PM20D2: variants seen among roughly 807,000 people sequenced by gnomAD.
PM20D2 encodes the protein peptidase M20 domain containing 2.
In PM20D2, 33 loss-of-function variants were observed where a neutral mutation model predicts 42.9. The ratio of observed to expected loss-of-function variants is 0.77; its 90% CI spans 0.58 to 1.03. PM20D2 has a LOEUF of 1.03. PM20D2 is among the 50% of genes least tolerant of loss of function. The pLI is 0.00. For missense variants in PM20D2, 548 were observed against 557.0 expected (o/e 0.98, Z 0.16); for synonymous variants, 250 against 228.2 (o/e 1.10, Z -0.86).
the PM20D2 span, among the ~76,000 whole-genome samples, chr6:89,133,030 T>G: frequency 1.3e-5 from 2 of 150,714 alleles, no homozygotes; most frequent in African/African-American, 2.5e-5. Flanking sequence ...TGAGACCAGC[T>G]TAGGCAACAT....
At chr6:89,099,424 A>ATATATG in the PM20D2 span, among the ~76,000 whole-genome samples, 1 of 139,168 alleles carries the variant, frequency 7.2e-6, no homozygotes, top group Non-Finnish European at 1.5e-5. Flanking sequence ...ACATATATAT[A>ATATATG]TGTGTGTATA....
the PM20D2 span, among the ~76,000 whole-genome samples, chr6:89,109,553 G>A: frequency 1.5e-4 from 23 of 152,182 alleles, no homozygotes; most frequent in Admixed American, 6.5e-5. Flanking sequence ...GTGGCTAAGA[G>A]GAAAGGGATC....
At chr6:89,133,534 C>G in the PM20D2 span, among the ~76,000 whole-genome samples, 1 of 151,132 alleles carries the variant, frequency 6.6e-6, no homozygotes, top group South Asian at 2.1e-4. Flanking sequence ...GCTTGCATCA[C>G]CCTCCTGCCT....
chr6:89,149,363 C>T lies in PM20D2; in HGVS notation c.564C>T (p.Ala188=), dbSNP rs762335675. The T allele has an allele frequency of 2.9e-5, 47 of 1,613,570 alleles. No homozygotes were observed. The Admixed American group carries it at 7.8e-4, about 27-fold the overall frequency. The stretch of plus-strand genomic sequence containing the variant: ...CAAATCTTGATGTTGTTTTTATGGC[C>T]CACCCATCACAAGAGAATGCTGCTT... ...AFTNLDVVFM[A]HPSQENAAYL... The change falls in exon 2 of 7, where the codon GCC becomes GCT. Residue 188 remains alanine, a synonymous_variant. Transcript: ENST00000275072.
the PM20D2 span, among the ~76,000 whole-genome samples, chr6:89,117,602 G>A: frequency 0.063 from 9,553 of 152,228 alleles, 874 homozygotes; most frequent in African/African-American, 0.2. Context: ...GATGTGCGCG[G>A]CGCCGGGGCT....
the PM20D2 span, among the ~76,000 whole-genome samples, chr6:89,132,097 C>G: frequency 6.6e-6 from 1 of 152,052 alleles, no homozygotes; most frequent in Non-Finnish European, 1.5e-5. Context: ...TGACAAGAAC[C>G]AACTCAATCC....
Position 89,163,546 on chromosome 6 carries a change from C to G in PM20D2, c.*1283C>G, listed in dbSNP as rs1213143990. The G allele has an allele frequency of 1.3e-5, 2 of 152,078 alleles. No homozygotes were observed. The highest frequency in any genetic ancestry group is 2.4e-5 in the African/African-American group (1 of 41,334). 9.4% of individuals were successfully genotyped at this position (152,078 alleles called of 1,614,324 possible). ...CCAGGCTGGAGTGCAGTGGTGTAAT[C>G]ACAGCTCACTGCAGTCTCGAACTCC... is the stretch of plus-strand genomic sequence containing the variant. On this transcript the variant is annotated 3_prime_UTR_variant, in exon 7 of 7. Coordinates refer to ENST00000275072, the MANE Select transcript of PM20D2 (RefSeq NM_001010853.3).
At chr6:89,103,566 T>G in the PM20D2 span, among the ~76,000 whole-genome samples, 1 of 152,142 alleles carries the variant, frequency 6.6e-6, no homozygotes, top group Non-Finnish European at 1.5e-5. Context: ...TGACCTCAGG[T>G]GATCCGCCCC....
chr6:89,112,162 C>G, the PM20D2 span, among the ~76,000 whole-genome samples: 4 of 152,070 alleles, frequency 2.6e-5, no homozygotes, highest in Non-Finnish European at 5.9e-5. Context: ...GTGAACCGCC[C>G]GCCTCGGCCT....
At chr6:89,156,801 G>C (rs1035602503) in intron 4 of PM20D2, among the ~76,000 whole-genome samples, 2 of 152,186 alleles carry the variant, frequency 1.3e-5, no homozygotes, top group African/African-American at 4.8e-5. Context: ...ATAGAAGCTC[G>C]TGTTGTGTTG....
chr6:89,098,777 T>A, the PM20D2 span: 1 of 1,614,008 alleles, frequency 6.2e-7, no homozygotes, highest in Non-Finnish European at 8.5e-7. Flanking sequence ...TGAACTTGAC[T>A]GTGATTTTCC....
chr6:89,161,982 C>A, intron 6 of PM20D2, 92 bp downstream of exon 6: 1 of 1,474,346 alleles, frequency 6.8e-7, no homozygotes, highest in Non-Finnish European at 9.4e-7. Flanking sequence ...CACTACATAA[C>A]ATCACCTCAG....
chr6:89,147,914 T>G (rs1770656285), intron 1 of PM20D2, among the ~76,000 whole-genome samples: 1 of 150,482 alleles, frequency 6.6e-6, no homozygotes, highest in East Asian at 2.0e-4. Context: ...GAGCGGCGGC[T>G]TCATGTCAGA....
At chr6:89,149,974 A>G (rs1770772357) in intron 2 of PM20D2, among the ~76,000 whole-genome samples, 2 of 152,182 alleles carry the variant, frequency 1.3e-5, no homozygotes, top group Non-Finnish European at 2.9e-5. Context: ...ACTTTTTAGT[A>G]CCTAGGAGCA....
chr6:89,148,788 C>T (rs1365534830), intron 1 of PM20D2, among the ~76,000 whole-genome samples: 1 of 152,174 alleles, frequency 6.6e-6, no homozygotes, highest in Non-Finnish European at 1.5e-5. Context: ...CTCAAAAACA[C>T]CCCCTGTAAA....
upstream of PM20D2, among the ~76,000 whole-genome samples, chr6:89,144,187 A>C (rs1770437748): frequency 7.5e-6 from 1 of 133,622 alleles, no homozygotes; most frequent in Non-Finnish European, 1.6e-5. Flanking sequence ...ACATATATAC[A>C]CAAGGAACAG....
chr6:89,149,925 T>G lies in PM20D2; in HGVS notation c.614+512T>G, dbSNP rs147618761. Reference sequence around the variant, plus strand: ...TGTGCTTTTCCGATTTGTCTGGTGCTGAAACCTTTTATTTGTCTTTCTTTA... The same window carrying G: ...TGTGCTTTTCCGATTTGTCTGGTGCGGAAACCTTTTATTTGTCTTTCTTTA... On this transcript the variant is annotated intron_variant, in intron 2 of 6. Transcript: ENST00000275072. Among the ~76,000 whole-genome samples, 1,047 of 152,378 alleles carry G rather than the reference T, an allele frequency of 6.9e-3. 10 individuals carry two copies. Among genetic ancestry groups the G allele is most frequent in the Admixed American group, 0.03 (461 of 15,310 alleles).
the PM20D2 span, among the ~76,000 whole-genome samples, chr6:89,121,042 A>G: frequency 2.6e-5 from 4 of 152,210 alleles, no homozygotes; most frequent in African/African-American, 9.6e-5. Context: ...GAAAAAAACC[A>G]CAAAGCTCTT....
chr6:89,116,954 C>A, the PM20D2 span, among the ~76,000 whole-genome samples: 1 of 151,896 alleles, frequency 6.6e-6, no homozygotes, highest in Non-Finnish European at 1.5e-5. Flanking sequence ...TACAATAAAA[C>A]AGTACTGCAT....
Sources: gnomAD v4.1 joint callset for allele counts (sites outside exome capture counted in the v4.1 genomes callset) on GRCh38, gnomAD v4.1.1 for gene constraint, MANE v1.5 for transcripts, NCBI Gene and HGNC (gene_info 2026-07-23, HGNC 2026-07-21) for gene names.